Variants in PRELID2 observed in about 807,000 individuals in gnomAD.
PRELID2 encodes the protein PRELI domain-containing protein 2.
PRELID2 carries 25 observed loss-of-function variants against 28.4 expected under a neutral mutation model. The observed-to-expected ratio is 0.88, with a 90% CI of 0.64 to 1.23. The LOEUF (loss-of-function observed/expected upper bound fraction) is 1.23. Among genes scored for constraint, PRELID2 ranks in the 50% most tolerant of loss-of-function variants. The pLI, the probability that PRELID2 is intolerant of heterozygous loss-of-function variation, is 0.00. For missense variants in PRELID2, 201 were observed against 214.4 expected, an observed-to-expected ratio of 0.94 and a Z score of 0.39; for synonymous variants, 76 against 71.6, an observed-to-expected ratio of 1.06 and a Z score of -0.31.
the PRELID2 span, among the ~76,000 whole-genome samples, chr5:145,290,029 GCAAAT>G: frequency 2.0e-5 from 3 of 152,112 alleles, no homozygotes; most frequent in Non-Finnish European, 2.9e-5. Flanking sequence ...TCAGAGAAAT[GCAAAT>G]CAAAACCACA....
At chr5:145,301,930 C>CTTTTTTTTTTTT in the PRELID2 span, among the ~76,000 whole-genome samples, 5 of 110,206 alleles carry the variant, frequency 4.5e-5, no homozygotes, top group African/African-American at 6.9e-5. Context: ...TTATTCATTT[C>CTTTTTTTTTTTT]TTTTTTTTTT....
chr5:145,701,372 A>T (rs1755403261), intron 1 of PRELID2, among the ~76,000 whole-genome samples: 1 of 152,228 alleles, frequency 6.6e-6, no homozygotes, highest in Admixed American at 6.5e-5. Context: ...GAATTTGACC[A>T]TATAAAAATT....
At chr5:145,585,426 T>C (rs1178158342) in intron 1 of PRELID2, among the ~76,000 whole-genome samples, 3 of 152,164 alleles carry the variant, frequency 2.0e-5, no homozygotes, top group Non-Finnish European at 4.4e-5. Context: ...CTCCTGCACA[T>C]GTACCCCTGA....
chr5:145,510,773 A>C (rs1752454323), intron 1 of PRELID2, among the ~76,000 whole-genome samples: 1 of 152,188 alleles, frequency 6.6e-6, no homozygotes, highest in Non-Finnish European at 1.5e-5. Flanking sequence ...TCACAAATTT[A>C]ACTAAGGAAA....
intron 1 of PRELID2, among the ~76,000 whole-genome samples, chr5:145,579,757 T>C (rs951269093): frequency 6.6e-6 from 1 of 152,070 alleles, no homozygotes; most frequent in Non-Finnish European, 1.5e-5. Context: ...AGTTTTGTGA[T>C]ACTTGACACT....
At chr5:145,511,110 C>G (rs1752457020) in intron 1 of PRELID2, among the ~76,000 whole-genome samples, 1 of 152,198 alleles carries the variant, frequency 6.6e-6, no homozygotes, top group African/African-American at 2.4e-5. Context: ...TGATGTCAAT[C>G]TCTAACTGCT....
chr5:145,530,196 A>G (rs577372579), intron 1 of PRELID2, among the ~76,000 whole-genome samples: 22 of 152,114 alleles, frequency 1.4e-4, no homozygotes, highest in Non-Finnish European at 3.1e-4. Context: ...TCCAGAATAC[A>G]TTTACAGTAG....
At chr5:145,290,596 G>C in the PRELID2 span, among the ~76,000 whole-genome samples, 1 of 132,346 alleles carries the variant, frequency 7.6e-6, no homozygotes, top group Non-Finnish European at 1.6e-5. Flanking sequence ...ACTGGGGCCT[G>C]TCATGCGGTT....
chr5:145,684,718 C>A (rs1234421549), intron 1 of PRELID2, among the ~76,000 whole-genome samples: 1 of 152,162 alleles, frequency 6.6e-6, no homozygotes, highest in Non-Finnish European at 1.5e-5. Flanking sequence ...CCACCATTAT[C>A]ATCCTGTGGC....
chr5:145,714,114 C>T lies in PRELID2; in HGVS notation n.70+50817G>A, dbSNP rs779768893. Among the ~76,000 whole-genome samples, 3 of 152,046 alleles carry T rather than the reference C, an allele frequency of 2.0e-5. 1 individual carries two copies. Among genetic ancestry groups the T allele is most frequent in the African/African-American group, 7.2e-5 (3 of 41,400 alleles). ...CAATAAACCTTTATTTTTACCCTCT[C>T]GTCCCCTCCCCAACTCCCAGCAAGA... On this transcript the variant is annotated intron_variant and non_coding_transcript_variant, in intron 1 of 2. Transcript: ENST00000510259.
At chr5:145,230,345 G>A in the PRELID2 span, among the ~76,000 whole-genome samples, 7 of 152,112 alleles carry the variant, frequency 4.6e-5, no homozygotes, top group Admixed American at 2.6e-4. Flanking sequence ...AGGCTGACGT[G>A]GGTGGATCAT....
the PRELID2 span, among the ~76,000 whole-genome samples, chr5:145,385,550 T>G: frequency 6.6e-5 from 10 of 152,166 alleles, no homozygotes; most frequent in Non-Finnish European, 1.5e-4. Context: ...TTAACTTCAG[T>G]AATGAGAAAT....
At chr5:145,505,599 T>G (rs1172655244) in intron 1 of PRELID2, among the ~76,000 whole-genome samples, 3 of 152,174 alleles carry the variant, frequency 2.0e-5, no homozygotes, top group Non-Finnish European at 2.9e-5. Flanking sequence ...ATCCTCATAC[T>G]TGGAATAAAA....
chr5:145,741,267 T>G (rs1225525143), intron 1 of PRELID2, among the ~76,000 whole-genome samples: 1 of 113,734 alleles, frequency 8.8e-6, no homozygotes, highest in Non-Finnish European at 1.6e-5. Flanking sequence ...ATAATATATA[T>G]TTATATTTTA....
the PRELID2 span, among the ~76,000 whole-genome samples, chr5:145,406,404 G>C: frequency 6.6e-6 from 1 of 152,050 alleles, no homozygotes; most frequent in Non-Finnish European, 1.5e-5. Flanking sequence ...GACATTACTG[G>C]GTTGTAAAAC....
intron 1 of PRELID2, among the ~76,000 whole-genome samples, chr5:145,674,051 A>G (rs1754764084): frequency 6.6e-6 from 1 of 152,210 alleles, no homozygotes; most frequent in South Asian, 2.1e-4. Context: ...AGTTGATTAT[A>G]CCATTAATTT....
chr5:145,416,482 C>T, the PRELID2 span, among the ~76,000 whole-genome samples: 2 of 151,872 alleles, frequency 1.3e-5, no homozygotes, highest in Non-Finnish European at 2.9e-5. Flanking sequence ...GAACAGGCAA[C>T]CTACAAAATG....
At chr5:145,427,474 C>A in the PRELID2 span, among the ~76,000 whole-genome samples, 1 of 152,056 alleles carries the variant, frequency 6.6e-6, no homozygotes, top group Non-Finnish European at 1.5e-5. Context: ...TTAAACATAC[C>A]CCTTGGAATT....
intron 1 of PRELID2, among the ~76,000 whole-genome samples, chr5:145,633,856 G>A (rs79576725): frequency 0.02 from 3,060 of 152,204 alleles, 111 homozygotes; most frequent in African/African-American, 0.07. Flanking sequence ...GTAATTTTGC[G>A]AAATACTTCC....
Sources: allele counts gnomAD v4.1 joint callset (sites outside exome capture counted in the v4.1 genomes callset), GRCh38; gene constraint gnomAD v4.1.1; transcripts MANE v1.5; gene names NCBI Gene and HGNC (gene_info 2026-07-23, HGNC 2026-07-21).